The following SLC25A48 variants were observed in gnomAD, a reference collection of about 807,000 sequenced individuals.
The protein encoded by SLC25A48 is CTC-321K16.1.
SLC25A48 carries 29 observed loss-of-function variants against 32.2 expected under a neutral mutation model. That is an observed-to-expected ratio of 0.90 (90% CI 0.67 to 1.23). The LOEUF is 1.23. Ranked by LOEUF, SLC25A48 falls within the 50% of genes most tolerant of loss-of-function variation. The probability of loss-of-function intolerance (pLI) is 0.00; values close to 1 mark genes in which losing one functional copy is unlikely to be tolerated. For missense variants in SLC25A48, 399 were observed against 422.7 expected, an observed-to-expected ratio of 0.94 and a Z score of 0.49; for synonymous variants, 164 against 172.3, an observed-to-expected ratio of 0.95 and a Z score of 0.38.
chr5:135,651,733 T>C (rs527955293), intron 3 of SLC25A48, among the ~76,000 whole-genome samples: 1 of 152,344 alleles, frequency 6.6e-6, no homozygotes, highest in East Asian at 1.9e-4. Flanking sequence ...TTTGTCCTCA[T>C]TGGACCTTAT....
chr5:135,802,040 T>C (rs1230424570), intron 3 of SLC25A48, among the ~76,000 whole-genome samples: 2 of 151,810 alleles, frequency 1.3e-5, no homozygotes, highest in Non-Finnish European at 2.9e-5. Context: ...TTGCAGGGAA[T>C]GTACAAACCC....
intron 1 of SLC25A48, among the ~76,000 whole-genome samples, chr5:135,621,228 C>A (rs1197357426): frequency 1.3e-5 from 2 of 152,226 alleles, no homozygotes; most frequent in Non-Finnish European, 2.9e-5. Context: ...TGGGCCTCAA[C>A]TTTCCCATCT....
At chr5:135,637,624 A>G (rs891439601) in intron 3 of SLC25A48, among the ~76,000 whole-genome samples, 1 of 152,216 alleles carries the variant, frequency 6.6e-6, no homozygotes, top group African/African-American at 2.4e-5. Flanking sequence ...TTCCATCGGG[A>G]GAGAAATGCA....
chr5:135,859,556 G>A (rs758004371), intron 4 of SLC25A48, among the ~76,000 whole-genome samples: 30 of 152,200 alleles, frequency 2.0e-4, no homozygotes, highest in African/African-American at 2.7e-4. Flanking sequence ...GCCACACCAC[G>A]TGGGAGACAG....
chr5:135,750,429 C>T (rs1755742748), intron 3 of SLC25A48, among the ~76,000 whole-genome samples: 1 of 152,178 alleles, frequency 6.6e-6, no homozygotes, highest in Non-Finnish European at 1.5e-5. Context: ...CTCCTAGTGG[C>T]CTCCCTCTCT....
intron 7 of SLC25A48, among the ~76,000 whole-genome samples, chr5:135,883,703 C>G (rs1323602986): frequency 6.6e-6 from 1 of 152,160 alleles, no homozygotes; most frequent in Non-Finnish European, 1.5e-5. Flanking sequence ...GTTCTCCCAC[C>G]CTGAGCAGTG....
In SLC25A48 at chr5:135,630,994, C is replaced by G. The variant is rs908891324; in HGVS notation, c.-709+1618C>G. Among the ~76,000 whole-genome samples, 45 of 152,144 alleles carry G rather than the reference C, an allele frequency of 3.0e-4. 1 individual carries two copies. Among genetic ancestry groups the G allele is most frequent in the Non-Finnish European group, 7.3e-5 (5 of 68,028 alleles). ...TTGTTTGAAGCTGGCAGCATCATCT[C>G]TACACTGTTGGACCAGATAGAAGAC... On this transcript the variant is annotated intron_variant, in intron 2 of 10. Coordinates refer to the SLC25A48 transcript ENST00000646290.
At chr5:135,670,558 C>T (rs887809559) in intron 3 of SLC25A48, among the ~76,000 whole-genome samples, 2 of 152,168 alleles carry the variant, frequency 1.3e-5, no homozygotes, top group African/African-American at 2.4e-5. Flanking sequence ...CCTCAGTTCC[C>T]TCAGTTGCAG....
At chr5:135,630,669 T>C (rs1360860265) in intron 2 of SLC25A48, among the ~76,000 whole-genome samples, 2 of 142,780 alleles carry the variant, frequency 1.4e-5, no homozygotes, top group African/African-American at 5.2e-5. Context: ...TGGAGTGATC[T>C]TGGCTCACTG....
intron 3 of SLC25A48, among the ~76,000 whole-genome samples, chr5:135,775,114 G>T (rs1310102236): frequency 6.6e-6 from 1 of 151,598 alleles, no homozygotes; most frequent in African/African-American, 2.4e-5. Context: ...AATTGCATGG[G>T]GTGTACACGC....
chr5:135,775,618 C>A (rs1186282195), intron 3 of SLC25A48, among the ~76,000 whole-genome samples: 1 of 151,316 alleles, frequency 6.6e-6, no homozygotes, highest in Middle Eastern at 3.2e-3. Flanking sequence ...AGGAGGTGTA[C>A]CCCATGCCTG....
chr5:135,664,890 T>C (rs1210764365), intron 3 of SLC25A48, among the ~76,000 whole-genome samples: 1 of 152,230 alleles, frequency 6.6e-6, no homozygotes, highest in Non-Finnish European at 1.5e-5. Context: ...AACACACACA[T>C]GCAAGTGTCT....
upstream of SLC25A48, among the ~76,000 whole-genome samples, chr5:135,831,930 C>T (rs1177065776): frequency 6.6e-6 from 1 of 152,126 alleles, no homozygotes; most frequent in Middle Eastern, 3.2e-3. Context: ...CATTCGGAGA[C>T]AGCAATGAGG....
intron 1 of SLC25A48, among the ~76,000 whole-genome samples, chr5:135,625,143 G>T (rs1752415661): frequency 6.6e-6 from 1 of 152,106 alleles, no homozygotes; most frequent in Non-Finnish European, 1.5e-5. Context: ...GTGCAGCCCT[G>T]ATAGGTGAGG....
chr5:135,850,953 C>T (rs988037583), intron 3 of SLC25A48, among the ~76,000 whole-genome samples: 4 of 152,128 alleles, frequency 2.6e-5, no homozygotes, highest in Non-Finnish European at 5.9e-5. Flanking sequence ...ATTCCTTTTC[C>T]GAAGGGAAAA....
chr5:135,659,517 G>T (rs1753337363), intron 3 of SLC25A48, among the ~76,000 whole-genome samples: 1 of 152,178 alleles, frequency 6.6e-6, no homozygotes, highest in Admixed American at 6.5e-5. Context: ...GCCCTCCAAA[G>T]TCTTCCAACC....
chr5:135,754,552 A>G (rs186845947), intron 3 of SLC25A48, among the ~76,000 whole-genome samples: 102 of 152,006 alleles, frequency 6.7e-4, no homozygotes, highest in African/African-American at 2.2e-3. Flanking sequence ...ATATCCAATG[A>G]TTACACACTA....
At chr5:135,757,777 ATG>A (rs985741309) in intron 3 of SLC25A48, among the ~76,000 whole-genome samples, 8 of 147,500 alleles carry the variant, frequency 5.4e-5, no homozygotes, top group African/African-American at 1.9e-4. Context: ...TATATTTATA[ATG>A]TGTTATTACA....
intron 1 of SLC25A48, among the ~76,000 whole-genome samples, chr5:135,838,207 TGAG>T (rs1674035153): frequency 6.6e-6 from 1 of 152,160 alleles, no homozygotes; most frequent in African/African-American, 2.4e-5. Context: ...ACTTTGAACT[TGAG>T]AGAGATGTTT....
Sources: gnomAD v4.1 joint callset for allele counts (sites outside exome capture counted in the v4.1 genomes callset) on GRCh38, gnomAD v4.1.1 for gene constraint, MANE v1.5 for transcripts, NCBI Gene and HGNC (gene_info 2026-07-23, HGNC 2026-07-21) for gene names.